Variants in RALA observed in about 807,000 individuals in gnomAD.
The protein encoded by RALA is RAS like proto-oncogene A.
Under a neutral mutation model 24.0 loss-of-function variants are expected in RALA, and 5 were observed. That is an observed-to-expected ratio of 0.21 (90% confidence interval 0.11 to 0.44). The LOEUF (loss-of-function observed/expected upper bound fraction) is 0.44. Ranked by LOEUF, RALA falls within the 20% of genes least tolerant of loss-of-function variation. The pLI is 0.99. For synonymous variants in RALA, 77 were observed against 83.8 expected (o/e 0.92, Z 0.44); for missense variants, 95 against 241.2 (o/e 0.39, Z 4.01).
intron 1 of RALA, among the ~76,000 whole-genome samples, chr7:39,668,411 A>G (rs1212000328): frequency 6.6e-6 from 1 of 152,170 alleles, no homozygotes; most frequent in Admixed American, 6.5e-5. Flanking sequence ...AACAGCTCTA[A>G]TGTCTTATAT....
chr7:39,664,294 T>C (rs1792248547), intron 1 of RALA, among the ~76,000 whole-genome samples: 1 of 152,210 alleles, frequency 6.6e-6, no homozygotes, highest in Non-Finnish European at 1.5e-5. Context: ...GCTGCCAGTC[T>C]TTAGGTTGTT....
At chr7:39,684,697 C>T (rs1457277162) in intron 1 of RALA, among the ~76,000 whole-genome samples, 7 of 132,014 alleles carry the variant, frequency 5.3e-5, no homozygotes, top group African/African-American at 2.0e-4. Context: ...AATACACTAA[C>T]GATAGCTGAT....
chr7:39,654,110 T>G (rs563548119), intron 1 of RALA, among the ~76,000 whole-genome samples: 1 of 152,324 alleles, frequency 6.6e-6, no homozygotes, highest in South Asian at 2.1e-4. Flanking sequence ...TGAACAACTT[T>G]CTTTACCTTT....
chr7:39,677,514 T>TA, intron 1 of RALA, among the ~76,000 whole-genome samples: 1 of 89,154 alleles, frequency 1.1e-5, no homozygotes, highest in South Asian at 4.6e-4. Context: ...GCAATAAACA[T>TA]ACGTGTGCAT....
intron 1 of RALA, among the ~76,000 whole-genome samples, chr7:39,682,378 A>G (rs1239936151): frequency 3.9e-5 from 6 of 152,214 alleles, no homozygotes; most frequent in Admixed American, 6.5e-5. Context: ...ATAGCCTCCT[A>G]TACTTTCAAC....
At chr7:39,627,000 C>T (rs200253580) in intron 1 of RALA, among the ~76,000 whole-genome samples, 7 of 151,450 alleles carry the variant, frequency 4.6e-5, no homozygotes, top group Non-Finnish European at 7.4e-5. Context: ...TCTCTTCCCT[C>T]CTAAGCCTGT....
At chr7:39,697,594 C>T (rs1382045602) in intron 4 of RALA, 1 of 327,152 alleles carries the variant, frequency 3.1e-6, no homozygotes, top group Non-Finnish European at 6.1e-6. Flanking sequence ...CTCTCAAGCT[C>T]CAATAGGCAA....
chr7:39,630,301 T>G (rs1408150132), intron 1 of RALA, among the ~76,000 whole-genome samples: 1 of 149,230 alleles, frequency 6.7e-6, no homozygotes, highest in Non-Finnish European at 1.5e-5. Flanking sequence ...GTCTGCCCAC[T>G]TCAGCTTCCC....
intron 1 of RALA, among the ~76,000 whole-genome samples, chr7:39,682,915 C>T (rs549342365): frequency 1.3e-5 from 2 of 152,300 alleles, no homozygotes; most frequent in Admixed American, 1.3e-4. Context: ...GCTGGGATTA[C>T]AGGCATGAGC....
At chr7:39,669,928 G>T (rs113360101) in intron 1 of RALA, among the ~76,000 whole-genome samples, 1 of 151,856 alleles carries the variant, frequency 6.6e-6, no homozygotes, top group African/African-American at 2.4e-5. Context: ...GATCATTCAG[G>T]CATGGTTAAT....
chr7:39,666,519 A>G (rs555425220), intron 1 of RALA, among the ~76,000 whole-genome samples: 20 of 152,348 alleles, frequency 1.3e-4, no homozygotes, highest in African/African-American at 4.6e-4. Context: ...TTTTATATTC[A>G]GTGCCAAAGG....
chr7:39,706,448 A>G lies in RALA; in HGVS notation c.*203A>G, dbSNP rs549144828. 3.0e-4 allele frequency: 155 copies of G among 509,246 alleles called. No homozygotes were observed. Among genetic ancestry groups the G allele is most frequent in the East Asian group, 1.6e-3 (43 of 26,324 alleles). 31.5% of individuals were successfully genotyped at this position (509,246 alleles called of 1,614,324 possible). ...TGGCTTCACCAAGAAGCAAAGTTCAACTTATTTCATAATTGCCTACATTTA... is the reference window on the plus strand; with the variant it reads ...TGGCTTCACCAAGAAGCAAAGTTCAGCTTATTTCATAATTGCCTACATTTA... On this transcript the variant is annotated 3_prime_UTR_variant, in exon 5 of 5. Coordinates refer to ENST00000005257, the MANE Select transcript of RALA (RefSeq NM_005402.4).
At chr7:39,665,207 T>G (rs1323770660) in intron 1 of RALA, among the ~76,000 whole-genome samples, 1 of 152,134 alleles carries the variant, frequency 6.6e-6, no homozygotes, top group Non-Finnish European at 1.5e-5. Context: ...CAATCCTTCC[T>G]CTTCCTCCTC....
intron 1 of RALA, among the ~76,000 whole-genome samples, chr7:39,683,189 T>C (rs548136406): frequency 2.2e-3 from 333 of 152,296 alleles, no homozygotes; most frequent in Middle Eastern, 0.014. Context: ...AAAAATAAAT[T>C]ACCCAGTCTC....
intron 1 of RALA, among the ~76,000 whole-genome samples, chr7:39,675,684 C>T (rs1487272670): frequency 1.3e-5 from 2 of 150,616 alleles, no homozygotes; most frequent in African/African-American, 4.9e-5. Context: ...TGTGATGGTA[C>T]CATTACATTC....
chr7:39,628,683 G>A (rs1791539608), intron 1 of RALA, among the ~76,000 whole-genome samples: 1 of 152,096 alleles, frequency 6.6e-6, no homozygotes. Context: ...AGCCTCCCGA[G>A]TAGCTGGGAT....
chr7:39,688,247 A>C (rs1792744041), intron 2 of RALA, among the ~76,000 whole-genome samples: 1 of 152,182 alleles, frequency 6.6e-6, no homozygotes, highest in Admixed American at 6.5e-5. Context: ...TGAAAAAATT[A>C]AAAAATTAGC....
chr7:39,660,463 T>A (rs1052641865), intron 1 of RALA, among the ~76,000 whole-genome samples: 2 of 152,248 alleles, frequency 1.3e-5, no homozygotes, highest in East Asian at 3.8e-4. Context: ...AGAAGGAATA[T>A]TGAATTTTAT....
intron 1 of RALA, among the ~76,000 whole-genome samples, chr7:39,659,776 A>G (rs1273494042): frequency 2.0e-5 from 3 of 152,210 alleles, no homozygotes; most frequent in Non-Finnish European, 4.4e-5. Flanking sequence ...CCCAGAAAAG[A>G]GTTCTGAGCT....
Sources: gnomAD v4.1 joint callset for allele counts (sites outside exome capture counted in the v4.1 genomes callset) on GRCh38, gnomAD v4.1.1 for gene constraint, MANE v1.5 for transcripts, NCBI Gene and HGNC (gene_info 2026-07-23, HGNC 2026-07-21) for gene names.